Variants in MAP1B observed in about 807,000 individuals in gnomAD.
The protein encoded by MAP1B is microtubule-associated protein 1B.
Under a neutral mutation model 176.1 loss-of-function variants are expected in MAP1B, and 12 were observed. The ratio of observed to expected loss-of-function variants is 0.07; its 90% CI spans 0.04 to 0.11. MAP1B has a LOEUF of 0.11. Among genes scored for constraint, MAP1B ranks in the 10% least tolerant of loss-of-function variants. MAP1B has a pLI of 1.00. For missense variants in MAP1B, 2,523 were observed against 2,990.5 expected, an observed-to-expected ratio of 0.84 and a Z score of 3.65; for synonymous variants, 1,044 against 1,135.0, an observed-to-expected ratio of 0.92 and a Z score of 1.61.
At chr5:72,179,373 G>A (rs1306595453) in intron 2 of MAP1B, among the ~76,000 whole-genome samples, 1 of 152,220 alleles carries the variant, frequency 6.6e-6, no homozygotes, top group Non-Finnish European at 1.5e-5. Flanking sequence ...GGAGAGAGAG[G>A]CTGGAACCCG....
chr5:72,191,526 G>A lies in MAP1B; in HGVS notation c.511-2340G>A, dbSNP rs148179170. On this transcript the variant is annotated intron_variant, in intron 4 of 6. Transcript: ENST00000296755. Reference sequence around the variant, plus strand: ...GGAAAGAGGCTGTGGGGGAAAACACGGGCTTCATTCTGTTGTGTAGTTCCA... The same window carrying A: ...GGAAAGAGGCTGTGGGGGAAAACACAGGCTTCATTCTGTTGTGTAGTTCCA... Among the ~76,000 whole-genome samples the A allele has an allele frequency of 7.4e-3, 1,125 of 152,294 alleles. 6 individuals are homozygous for A. The highest frequency in any genetic ancestry group is 0.014 in the South Asian group (69 of 4,824).
rs555324629 is a variant in MAP1B at position 72,203,835 on chromosome 5, T to C, written c.7251+34T>C. 5.7e-6 allele frequency: 9 copies of C among 1,583,244 alleles called. 2 individuals are homozygous for C. The South Asian group carries it at 7.8e-5, about 14-fold the overall frequency. On this transcript the variant is annotated intron_variant, in intron 6 of 6. Transcript: ENST00000296755. ...TCCTCGACAGTGTCTGCACTGCCGA[T>C]TGAGCTGTGTCCAGAGGCAATGGGA...
intron 2 of MAP1B, among the ~76,000 whole-genome samples, chr5:72,157,851 A>G (rs1040773219): frequency 2.0e-5 from 3 of 152,134 alleles, no homozygotes; most frequent in South Asian, 4.2e-4. Flanking sequence ...ACTAAATGCT[A>G]GCCTTTATCA....
At chr5:72,150,855 A>G (rs1393913980) in intron 2 of MAP1B, among the ~76,000 whole-genome samples, 1 of 152,184 alleles carries the variant, frequency 6.6e-6, no homozygotes. Context: ...TGAAGCAGCC[A>G]TAATTTTCTT....
chr5:72,144,278 G>A (rs180907986), intron 2 of MAP1B, among the ~76,000 whole-genome samples: 4 of 152,290 alleles, frequency 2.6e-5, no homozygotes, highest in South Asian at 2.1e-4. Flanking sequence ...ACTTGATCCC[G>A]AATCTTCCCT....
At chr5:72,107,848 G>C (rs1178376077) in intron 1 of MAP1B, 133 bp downstream of exon 1, 2 of 869,528 alleles carry the variant, frequency 2.3e-6, no homozygotes, top group African/African-American at 3.4e-5. Flanking sequence ...CTCATACTTG[G>C]TCCAGACCCT....
intron 1 of MAP1B, 123 bp downstream of exon 1, chr5:72,107,838 C>T: frequency 1.1e-5 from 11 of 980,178 alleles, no homozygotes; most frequent in Admixed American, 4.5e-5. Context: ...CTCGTCACCT[C>T]TCATACTTGG....
At position 72,206,784 on chromosome 5, in the gene MAP1B, G is replaced by C. The variant is rs924713699; in HGVS notation, c.*1545G>C. On this transcript the variant is annotated 3_prime_UTR_variant, in exon 7 of 7. Transcript: ENST00000296755. ...GATTGAAGTCTGATATTGCAGTAAT[G>C]ATATTTATTAAAAACCCATAACTAC... 3.3e-5 allele frequency: 5 copies of C among 151,974 alleles called. No individual in the cohort carries two copies. The highest frequency in any genetic ancestry group is 1.2e-4 in the African/African-American group (5 of 41,370). The allele number at this position is 151,974 out of a possible 1,614,324, so 9.4% of individuals were successfully genotyped here.
At chr5:72,163,640 G>A (rs906287342) in intron 2 of MAP1B, among the ~76,000 whole-genome samples, 1 of 152,142 alleles carries the variant, frequency 6.6e-6, no homozygotes, top group African/African-American at 2.4e-5. Flanking sequence ...AGGAGGTGTC[G>A]GGATCATAGA....
intron 2 of MAP1B, among the ~76,000 whole-genome samples, chr5:72,130,509 C>G (rs1307150181): frequency 6.6e-6 from 1 of 152,212 alleles, no homozygotes. Context: ...CATAAGAAAT[C>G]TCACATCTTT....
chr5:72,111,073 T>C (rs764428076), intron 1 of MAP1B, among the ~76,000 whole-genome samples: 5 of 152,182 alleles, frequency 3.3e-5, no homozygotes, highest in East Asian at 1.9e-4. Flanking sequence ...TCGTTTTCGC[T>C]ACCACCAACT....
At chr5:72,171,242 C>T (rs1403366722) in intron 2 of MAP1B, among the ~76,000 whole-genome samples, 2 of 152,128 alleles carry the variant, frequency 1.3e-5, no homozygotes, top group African/African-American at 2.4e-5. Flanking sequence ...AAGATGCAGT[C>T]GAGGTCTTGA....
intron 2 of MAP1B, among the ~76,000 whole-genome samples, chr5:72,131,289 T>C (rs977208843): frequency 3.3e-5 from 5 of 152,214 alleles, no homozygotes; most frequent in African/African-American, 1.2e-4. Flanking sequence ...ATTTAAGACA[T>C]TGGACACTGT....
chr5:72,131,872 CAGT>C (rs1745740012), intron 2 of MAP1B, among the ~76,000 whole-genome samples: 1 of 152,222 alleles, frequency 6.6e-6, no homozygotes, highest in Non-Finnish European at 1.5e-5. Flanking sequence ...TTCAGGCCAA[CAGT>C]ACGCAGCCTT....
chr5:72,116,794 C>A (rs1404665941), intron 2 of MAP1B, among the ~76,000 whole-genome samples: 6 of 152,080 alleles, frequency 3.9e-5, no homozygotes, highest in Non-Finnish European at 5.9e-5. Flanking sequence ...TTATATGATT[C>A]CTAATTTTAT....
At position 72,195,229 on chromosome 5, in the gene MAP1B, C is replaced by A. The variant is rs780050503; in HGVS notation, c.1874C>A (p.Ala625Asp). ...AAAGCCGAGGTGGCTGAGAAGCAAG[C>A]CACAGATGTCAAACCCAAAGCTGCC... ...PVKAEVAEKQ[A>D]TDVKPKAAKE... The change falls in exon 5 of 7, where the codon GCC (alanine) becomes GAC (aspartate). Residue 625 changes from alanine to aspartate, a missense_variant. Ala to Asp is a moderately radical substitution (Grantham distance 126). Transcript: ENST00000296755. 6.2e-7 allele frequency: 1 copy of A among 1,613,654 alleles called. No homozygotes were observed. Among genetic ancestry groups the A allele is most frequent in the South Asian group, 1.1e-5 (1 of 91,062 alleles).
At chr5:72,115,825 A>G (rs1561289302) in intron 2 of MAP1B, 26 bp downstream of exon 2, 3 of 1,529,306 alleles carry the variant, frequency 2.0e-6, no homozygotes, top group Non-Finnish European at 1.8e-6. Context: ...AGTGTTGGTC[A>G]GCCTAGAATT....
intron 2 of MAP1B, among the ~76,000 whole-genome samples, chr5:72,178,725 G>GGTGTGT (rs34082751): frequency 0.016 from 2,296 of 140,476 alleles, 17 homozygotes; most frequent in East Asian, 0.046. Flanking sequence ...GCCTCTGAGG[G>GGTGTGT]GTGTGTGTGT....
At chr5:72,201,212 AT>A (rs1232842011) in intron 5 of MAP1B, among the ~76,000 whole-genome samples, 1 of 137,890 alleles carries the variant, frequency 7.3e-6, no homozygotes, top group Non-Finnish European at 1.6e-5. Context: ...AAAAAAAAAA[AT>A]GTTTTTTAAT....
Sources: gnomAD v4.1 joint callset for allele counts (sites outside exome capture counted in the v4.1 genomes callset) on GRCh38, gnomAD v4.1.1 for gene constraint, MANE v1.5 for transcripts, NCBI Gene and HGNC (gene_info 2026-07-23, HGNC 2026-07-21) for gene names.